GRIN2A: variants seen among roughly 807,000 people sequenced by gnomAD.
GRIN2A encodes glutamate ionotropic receptor NMDA type subunit 2A.
Under a neutral mutation model 113.4 loss-of-function variants are expected in GRIN2A, and 22 were observed. That is an observed-to-expected ratio of 0.19 (90% CI 0.14 to 0.28). The LOEUF is 0.28. GRIN2A is among the 10% of genes least tolerant of loss of function. GRIN2A has a pLI of 1.00. For missense variants in GRIN2A, 1,502 were observed against 1,887.0 expected (o/e 0.80, Z 3.78); for synonymous variants, 827 against 738.4 (o/e 1.12, Z -1.94).
intron 2 of GRIN2A, among the ~76,000 whole-genome samples, chr16:9,998,573 A>G (rs2046266910): frequency 1.3e-5 from 2 of 152,228 alleles, no homozygotes; most frequent in African/African-American, 4.8e-5. Context: ...TTACTGCAAT[A>G]AAAAACATAG....
chr16:9,806,095 G>C (rs186002762), intron 10 of GRIN2A, among the ~76,000 whole-genome samples: 2 of 152,158 alleles, frequency 1.3e-5, no homozygotes, highest in African/African-American at 2.4e-5. Context: ...TTAATTCCTC[G>C]ATCGATGTCT....
intron 2 of GRIN2A, among the ~76,000 whole-genome samples, chr16:10,174,277 T>C (rs1018390090): frequency 2.0e-5 from 3 of 152,178 alleles, no homozygotes; most frequent in African/African-American, 7.2e-5. Context: ...TGAAGTCACC[T>C]ACATGAGATG....
At chr16:9,998,586 C>T (rs1198368770) in intron 2 of GRIN2A, among the ~76,000 whole-genome samples, 3 of 152,206 alleles carry the variant, frequency 2.0e-5, no homozygotes, top group South Asian at 4.1e-4. Context: ...AAACATAGAA[C>T]TGCCAGATCA....
At chr16:10,029,776 C>T (rs999848786) in intron 2 of GRIN2A, among the ~76,000 whole-genome samples, 18 of 151,404 alleles carry the variant, frequency 1.2e-4, no homozygotes, top group Non-Finnish European at 2.4e-4. Context: ...GGGTGTAGAT[C>T]ACCTGAGGTC....
intron 2 of GRIN2A, among the ~76,000 whole-genome samples, chr16:10,077,869 C>T (rs775469749): frequency 6.6e-6 from 1 of 152,198 alleles, no homozygotes; most frequent in Non-Finnish European, 1.5e-5. Flanking sequence ...GTGATACCTT[C>T]CGTGGCATCA....
intron 11 of GRIN2A, among the ~76,000 whole-genome samples, chr16:9,793,623 A>ATTCT (rs1193929049): frequency 9.9e-5 from 15 of 152,078 alleles, no homozygotes; most frequent in Non-Finnish European, 1.8e-4. Context: ...GGCCCATTCT[A>ATTCT]TTCTTTGTCT....
At chr16:9,975,369 A>T (rs1486500943) in intron 2 of GRIN2A, among the ~76,000 whole-genome samples, 1 of 152,168 alleles carries the variant, frequency 6.6e-6, no homozygotes, top group Non-Finnish European at 1.5e-5. Flanking sequence ...AAAAACAGAG[A>T]ACTTTCTCCA....
chr16:9,967,596 T>C (rs373908054), intron 2 of GRIN2A, among the ~76,000 whole-genome samples: 13 of 152,218 alleles, frequency 8.5e-5, no homozygotes, highest in African/African-American at 2.9e-4. Flanking sequence ...TCTCAGCTAC[T>C]TGGGGAGGCT....
At chr16:9,809,826 G>T (rs2042051947) in intron 10 of GRIN2A, among the ~76,000 whole-genome samples, 1 of 152,194 alleles carries the variant, frequency 6.6e-6, no homozygotes, top group Non-Finnish European at 1.5e-5. Context: ...CCAACACTTT[G>T]GGAGGCTGAG....
chr16:9,808,916 C>T lies in GRIN2A; in HGVS notation c.2169-10452G>A, dbSNP rs550861938. Among the ~76,000 whole-genome samples, 3 of 151,730 alleles carry T rather than the reference C, an allele frequency of 2.0e-5. No homozygotes were observed. The South Asian group carries it at 6.3e-4, about 32-fold the overall frequency. On this transcript the variant is annotated intron_variant, in intron 10 of 12. Transcript: ENST00000330684. ...ACTGATAGCCCTCATCCCACCCCCC[C>T]AAAAAAAGTCTAGTGAGAAGAAAAT...
chr16:9,961,832 C>A (rs2045449082), intron 2 of GRIN2A, among the ~76,000 whole-genome samples: 1 of 152,136 alleles, frequency 6.6e-6, no homozygotes, highest in African/African-American at 2.4e-5. Flanking sequence ...TAATCCTCAG[C>A]CAAAAGAACA....
chr16:9,807,170 C>A (rs908457457), intron 10 of GRIN2A, among the ~76,000 whole-genome samples: 3 of 139,008 alleles, frequency 2.2e-5, no homozygotes, highest in African/African-American at 8.2e-5. Context: ...TCTTTATCAG[C>A]AGTGTGAAAA....
chr16:10,163,200 T>C (rs2049839725), intron 2 of GRIN2A, among the ~76,000 whole-genome samples: 1 of 152,142 alleles, frequency 6.6e-6, no homozygotes, highest in Non-Finnish European at 1.5e-5. Context: ...CATGGACAGC[T>C]GGCTTCAGCT....
intron 2 of GRIN2A, among the ~76,000 whole-genome samples, chr16:9,979,601 T>C (rs1280742045): frequency 1.3e-5 from 2 of 151,910 alleles, no homozygotes; most frequent in African/African-American, 4.8e-5. Flanking sequence ...CCAAAATCTG[T>C]AATTAGTTTT....
rs544846456 is a variant in GRIN2A, at chr16:10,109,029, A to C, written c.414+70969T>G. 1.0e-3 allele frequency among the ~76,000 whole-genome samples: 152 copies of C among 150,556 alleles called. 1 individual carries two copies. The highest frequency in any genetic ancestry group is 1.5e-3 in the Non-Finnish European group (99 of 67,870). On this transcript the variant is annotated intron_variant, in intron 2 of 12. Transcript: ENST00000330684. ...TGATTCTCTTTAAAAAAAAAAAAAA[A>C]AAAAAACAAAATTGATAAACCTAGG...
chr16:10,062,599 A>G (rs2047568000), intron 2 of GRIN2A, among the ~76,000 whole-genome samples: 1 of 152,206 alleles, frequency 6.6e-6, no homozygotes, highest in African/African-American at 2.4e-5. Flanking sequence ...TCACACCTGT[A>G]ATCCCCTGTA....
chr16:9,838,577 A>G (rs2042621120), intron 7 of GRIN2A, among the ~76,000 whole-genome samples: 1 of 152,150 alleles, frequency 6.6e-6, no homozygotes, highest in African/African-American at 2.4e-5. Context: ...TCTTTGTGAG[A>G]TGGAGGATGG....
intron 2 of GRIN2A, among the ~76,000 whole-genome samples, chr16:10,010,849 C>T (rs1019607648): frequency 2.6e-5 from 4 of 152,194 alleles, no homozygotes; most frequent in African/African-American, 9.7e-5. Context: ...ACCAGGACTG[C>T]TATGCTGCAC....
rs144419147 is a variant in GRIN2A at position 10,004,203 on chromosome 16, A to G, written c.415-65652T>C. ...CAGGAGTTTGAGACCAGCCTGGCCA[A>G]TATGGTGAAACCCCATCTCTACTAA... On this transcript the variant is annotated intron_variant, in intron 2 of 12. Coordinates refer to ENST00000330684, the MANE Select transcript of GRIN2A (RefSeq NM_001134407.3). Among the ~76,000 whole-genome samples, 436 of 152,172 alleles carry G rather than the reference A, an allele frequency of 2.9e-3. 2 individuals carry two copies. Among genetic ancestry groups the G allele is most frequent in the Non-Finnish European group, 4.6e-3 (315 of 67,986 alleles).
Sources: gnomAD v4.1 joint callset for allele counts (sites outside exome capture counted in the v4.1 genomes callset) on GRCh38, gnomAD v4.1.1 for gene constraint, MANE v1.5 for transcripts, NCBI Gene and HGNC (gene_info 2026-07-23, HGNC 2026-07-21) for gene names.